ZNRF3: variants seen among roughly 807,000 people sequenced by gnomAD.
ZNRF3 encodes E3 ubiquitin-protein ligase ZNRF3.
A neutral mutation model predicts 72.5 loss-of-function variants in ZNRF3; 23 were observed. That is an observed-to-expected ratio of 0.32 (90% CI 0.23 to 0.45). The LOEUF is 0.45. Among genes scored for constraint, ZNRF3 ranks in the 20% least tolerant of loss-of-function variants. ZNRF3 has a pLI of 1.00. For synonymous variants in ZNRF3, 610 were observed against 545.3 expected, an observed-to-expected ratio of 1.12 and a Z score of -1.65; for missense variants, 1,169 against 1,272.1, an observed-to-expected ratio of 0.92 and a Z score of 1.23.
At chr22:28,893,826 G>T (rs2033940408) in intron 1 of ZNRF3, among the ~76,000 whole-genome samples, 2 of 151,888 alleles carry the variant, frequency 1.3e-5, no homozygotes, top group Admixed American at 1.3e-4. Flanking sequence ...AAGATTTCTA[G>T]AATTAGGTTC....
chr22:29,028,961 G>A (rs1002631781), intron 2 of ZNRF3, among the ~76,000 whole-genome samples: 2 of 152,220 alleles, frequency 1.3e-5, no homozygotes, highest in African/African-American at 4.8e-5. Context: ...AGATGACCTT[G>A]TGTTGGTTTC....
At chr22:28,955,858 G>A (rs1216009074) in intron 1 of ZNRF3, among the ~76,000 whole-genome samples, 3 of 152,088 alleles carry the variant, frequency 2.0e-5, no homozygotes, top group Non-Finnish European at 4.4e-5. Context: ...GGTCCGGGCT[G>A]CAGTGAGCCA....
intron 1 of ZNRF3, among the ~76,000 whole-genome samples, chr22:28,966,513 A>G (rs1029999076): frequency 6.6e-6 from 1 of 152,248 alleles, no homozygotes; most frequent in African/African-American, 2.4e-5. Context: ...TGTTACTGCG[A>G]CTAAAGACCT....
rs1428233514 is a variant in ZNRF3, at chr22:29,054,745, C to T, written c.*1123C>T. 1 of 152,916 alleles carries T rather than the reference C, an allele frequency of 6.5e-6. No individual in the cohort carries two copies. Among genetic ancestry groups the T allele is most frequent in the Non-Finnish European group, 1.5e-5 (1 of 68,232 alleles). The allele number at this position is 152,916 out of a possible 1,614,324, so 9.5% of individuals were successfully genotyped here. ...GCGCCTGCATCTGTGTGGGGGCAGC[C>T]ACACCCCTTGGCTGCTGCTTCCTTG... On this transcript the variant is annotated 3_prime_UTR_variant, in exon 9 of 9. Coordinates refer to ENST00000544604, the MANE Select transcript of ZNRF3 (RefSeq NM_001206998.2).
chr22:29,034,747 A>G (rs970719229), intron 2 of ZNRF3, among the ~76,000 whole-genome samples: 7 of 152,160 alleles, frequency 4.6e-5, no homozygotes, highest in African/African-American at 1.7e-4. Context: ...TTGGAACTAA[A>G]TGTACATGCT....
At chr22:28,919,379 T>C (rs997327859) in intron 1 of ZNRF3, among the ~76,000 whole-genome samples, 2 of 152,202 alleles carry the variant, frequency 1.3e-5, no homozygotes, top group African/African-American at 4.8e-5. Context: ...ATTAATGATC[T>C]CATTTATTCC....
chr22:28,924,007 A>G (rs887743864), intron 1 of ZNRF3, among the ~76,000 whole-genome samples: 10 of 152,216 alleles, frequency 6.6e-5, no homozygotes. Context: ...CCCGGGCGGG[A>G]ACCACAAGAT....
chr22:28,980,556 C>A (rs1440775147), intron 1 of ZNRF3, among the ~76,000 whole-genome samples: 1 of 152,114 alleles, frequency 6.6e-6, no homozygotes, highest in Non-Finnish European at 1.5e-5. Flanking sequence ...TAATGTCAAA[C>A]TCTTGATAAA....
rs566139267 is a variant in ZNRF3, at chr22:28,981,070, C to T, written c.301-6006C>T. 1.1e-4 allele frequency among the ~76,000 whole-genome samples: 17 copies of T among 152,286 alleles called. 1 individual carries two copies. In the East Asian group the frequency reaches 3.3e-3, roughly 29 times the overall value. On this transcript the variant is annotated intron_variant, in intron 1 of 8. Transcript: ENST00000544604. ...AGTTCAAAGTTAACATGCTTAACAC[C>T]ATACACGGAAGTATCCTACGATGAA...
chr22:28,905,974 T>C (rs540980249), intron 1 of ZNRF3, among the ~76,000 whole-genome samples: 17 of 152,310 alleles, frequency 1.1e-4, no homozygotes, highest in Non-Finnish European at 1.8e-4. Context: ...AGCCTCACCA[T>C]GAGGTAATTG....
At chr22:28,978,803 T>G (rs1199209569) in intron 1 of ZNRF3, among the ~76,000 whole-genome samples, 2 of 152,180 alleles carry the variant, frequency 1.3e-5, no homozygotes, top group Non-Finnish European at 2.9e-5. Context: ...TTTCTGTAAC[T>G]CTTATAGTCA....
chr22:29,049,654 A>G lies in ZNRF3; in HGVS notation c.1473A>G (p.Ala491=), dbSNP rs2123887457. 1 of 1,609,482 alleles carries G rather than the reference A, an allele frequency of 6.2e-7. No homozygotes were observed. The part of the protein sequence containing the change: ...EQEGQSPPSL[A]PRGPARAFPP... ...AGGGGCAGTCCCCACCTAGCCTCGCACCCCGGGGCCCGGCCCGTGCCTTTC... is the reference window on the plus strand; with the variant it reads ...AGGGGCAGTCCCCACCTAGCCTCGCGCCCCGGGGCCCGGCCCGTGCCTTTC... Residue 491 remains alanine (A), a synonymous_variant, in exon 8 of 9, where the codon GCA becomes GCG. Coordinates refer to ENST00000544604, the MANE Select transcript of ZNRF3 (RefSeq NM_001206998.2). This position sits in a 1 kb window ranked among gnomAD's most constrained non-coding sequence, Gnocchi z 5.2.
intron 1 of ZNRF3, among the ~76,000 whole-genome samples, chr22:28,897,844 T>G (rs1357625860): frequency 6.6e-6 from 1 of 152,202 alleles, no homozygotes; most frequent in Admixed American, 6.5e-5. Flanking sequence ...TGTAAATTAT[T>G]TACCGAACCG....
intron 2 of ZNRF3, among the ~76,000 whole-genome samples, chr22:29,039,075 A>G (rs1016626893): frequency 2.0e-5 from 3 of 152,092 alleles, no homozygotes; most frequent in African/African-American, 4.8e-5. Context: ...CAGCTGCCTT[A>G]TTACTGACCT....
rs2037281623 is a variant in ZNRF3, at chr22:29,055,403, G to A, written c.*1781G>A. ...GAACAAGGACCACCTGGGTTCTCCA[G>A]TCTTGAACGAGAATCTCACTCTTAT... On this transcript the variant is annotated 3_prime_UTR_variant, in exon 9 of 9. Coordinates refer to ENST00000544604, the MANE Select transcript of ZNRF3 (RefSeq NM_001206998.2). 1 of 152,244 alleles carries A rather than the reference G, an allele frequency of 6.6e-6. No homozygotes were observed. The allele number at this position is 152,244 out of a possible 1,614,324, so 9.4% of individuals were successfully genotyped here. A position where few individuals can be genotyped will look rare whatever the true frequency, so the allele number is the denominator to read the frequency against.
chr22:28,990,226 T>G (rs2123831019), intron 2 of ZNRF3, among the ~76,000 whole-genome samples: 1 of 152,386 alleles, frequency 6.6e-6, no homozygotes, highest in East Asian at 1.9e-4. Flanking sequence ...TCCTTGTTCT[T>G]CTAATATTTT....
intron 1 of ZNRF3, among the ~76,000 whole-genome samples, chr22:28,885,925 C>G (rs1431423853): frequency 7.6e-6 from 1 of 131,336 alleles, no homozygotes; most frequent in Non-Finnish European, 1.6e-5. Context: ...GTCCATTAGC[C>G]TAGCCAAAAA....
At chr22:28,997,134 A>G (rs1397899944) in intron 2 of ZNRF3, among the ~76,000 whole-genome samples, 1 of 152,180 alleles carries the variant, frequency 6.6e-6, no homozygotes, top group African/African-American at 2.4e-5. Flanking sequence ...GGACCTGGTC[A>G]CAGCTGTTCC....
intron 1 of ZNRF3, among the ~76,000 whole-genome samples, chr22:28,897,786 C>T (rs1189016268): frequency 6.6e-6 from 1 of 152,170 alleles, no homozygotes; most frequent in Non-Finnish European, 1.5e-5. Context: ...CCAGTGTGTT[C>T]CTTTGAATCA....
Sources: allele counts gnomAD v4.1 joint callset (sites outside exome capture counted in the v4.1 genomes callset), GRCh38; gene constraint gnomAD v4.1.1; non-coding constraint Gnocchi (gnomAD v3.1); transcripts MANE v1.5; gene names NCBI Gene and HGNC (gene_info 2026-07-23, HGNC 2026-07-21).